The following GALNTL5 variants were observed in gnomAD, a reference collection of about 807,000 sequenced individuals.
GALNTL5 encodes inactive polypeptide N-acetylgalactosaminyltransferase-like protein 5.
A neutral mutation model predicts 51.0 loss-of-function variants in GALNTL5; 44 were observed. The ratio of observed to expected loss-of-function variants is 0.86; its 90% confidence interval spans 0.68 to 1.11. The LOEUF is 1.11. Ranked by LOEUF, GALNTL5 falls within the 50% of genes least tolerant of loss-of-function variation. The pLI is 0.00. For missense variants in GALNTL5, 528 were observed against 531.8 expected, an observed-to-expected ratio of 0.99 and a Z score of 0.07; for synonymous variants, 192 against 182.8, an observed-to-expected ratio of 1.05 and a Z score of -0.41.
At chr7:152,000,633 C>A (rs2081563496) in intron 5 of GALNTL5, among the ~76,000 whole-genome samples, 1 of 152,152 alleles carries the variant, frequency 6.6e-6, no homozygotes, top group African/African-American at 2.4e-5. Context: ...TAAAGGGATA[C>A]CTCACTGTGA....
chr7:151,984,109 T>C (rs1366838570), intron 4 of GALNTL5: 1 of 152,156 alleles, frequency 6.6e-6, no homozygotes, highest in African/African-American at 2.4e-5. Flanking sequence ...AATTTTATCT[T>C]GAAGCTATGA....
chr7:152,010,916 G>A (rs2081728640), intron 7 of GALNTL5, among the ~76,000 whole-genome samples: 1 of 152,188 alleles, frequency 6.6e-6, no homozygotes, highest in South Asian at 2.1e-4. Flanking sequence ...TACATGTAAA[G>A]GATAAAATAT....
At chr7:151,959,536 G>A (rs1408875643) in intron 1 of GALNTL5, among the ~76,000 whole-genome samples, 1 of 152,166 alleles carries the variant, frequency 6.6e-6, no homozygotes, top group African/African-American at 2.4e-5. Context: ...GAGTGTTAAA[G>A]CCTGTGTCCT....
chr7:151,972,418 C>T (rs992919061), intron 3 of GALNTL5, among the ~76,000 whole-genome samples: 8 of 152,164 alleles, frequency 5.3e-5, no homozygotes. Context: ...CAAGCCCAAT[C>T]CAGCTGCAGA....
Position 151,980,891 on chromosome 7 carries a change from A to C in GALNTL5, c.369-2095A>C, listed in dbSNP as rs111766388. On this transcript the variant is annotated intron_variant, in intron 3 of 8. Coordinates refer to ENST00000392800, the MANE Select transcript of GALNTL5 (RefSeq NM_145292.4). ...CTCCCAAGTAGCTGGGACTACAGGC[A>C]CCCGCCACTGCGCCCGGCTAAATTT... Among the ~76,000 whole-genome samples, 17 of 143,672 alleles carry C rather than the reference A, an allele frequency of 1.2e-4. 1 individual carries two copies. The highest frequency in any genetic ancestry group is 3.1e-4 in the African/African-American group (11 of 35,342). 94.3% of individuals were successfully genotyped at this position (143,672 alleles called of 152,430 possible).
chr7:152,000,731 T>C (rs1209245975), intron 5 of GALNTL5, among the ~76,000 whole-genome samples: 1 of 152,232 alleles, frequency 6.6e-6, no homozygotes, highest in Non-Finnish European at 1.5e-5. Context: ...CAAAGATGTC[T>C]ATTCAAATCT....
Position 152,009,607 on chromosome 7 carries a change from C to A in GALNTL5, c.1026+1663C>A, listed in dbSNP as rs1250490032. On this transcript the variant is annotated intron_variant, in intron 7 of 8. Coordinates refer to ENST00000392800, the MANE Select transcript of GALNTL5 (RefSeq NM_145292.4). ...TCAGGGCTAGCATCCAGGTCCTCTG[C>A]TCCTGTGAAGCCACACTGGTTGTTA... 3.3e-5 allele frequency among the ~76,000 whole-genome samples: 5 copies of A among 152,288 alleles called. No homozygotes were observed. In the East Asian group the frequency reaches 7.7e-4, roughly 24 times the overall value.
chr7:152,000,972 C>T (rs1378406814), intron 5 of GALNTL5, among the ~76,000 whole-genome samples: 1 of 142,952 alleles, frequency 7.0e-6, no homozygotes, highest in African/African-American at 2.7e-5. Context: ...GTGGCACGAT[C>T]TTGGCTCACT....
intron 3 of GALNTL5, among the ~76,000 whole-genome samples, chr7:151,980,173 T>C (rs2081261278): frequency 6.6e-6 from 1 of 152,156 alleles, no homozygotes; most frequent in East Asian, 1.9e-4. Context: ...AACCTCCGCC[T>C]TCTGGGTTCA....
At chr7:152,015,500 C>T (rs1023246150) in intron 8 of GALNTL5, among the ~76,000 whole-genome samples, 3 of 152,034 alleles carry the variant, frequency 2.0e-5, no homozygotes, top group African/African-American at 7.2e-5. Context: ...GCTGGGACTA[C>T]AGGCGCATAC....
intron 3 of GALNTL5, among the ~76,000 whole-genome samples, chr7:151,977,119 A>G (rs1322953999): frequency 6.6e-6 from 1 of 152,214 alleles, no homozygotes; most frequent in African/African-American, 2.4e-5. Flanking sequence ...CCTAAATTAT[A>G]TGTTATGACA....
At chr7:151,987,367 C>T in intron 5 of GALNTL5, 86 bp downstream of exon 5, 2 of 1,184,838 alleles carry the variant, frequency 1.7e-6, no homozygotes, top group South Asian at 3.5e-5. Context: ...GGGAGACCTT[C>T]TATGTCTGTG....
chr7:152,017,607 T>C (rs777399210), intron 8 of GALNTL5, among the ~76,000 whole-genome samples: 3 of 152,098 alleles, frequency 2.0e-5, no homozygotes, highest in Non-Finnish European at 4.4e-5. Context: ...AAGAAATTAA[T>C]ACGTAATCAA....
At chr7:152,002,633 T>C in intron 5 of GALNTL5, 81 bp from the exon 6 acceptor site, 2 of 1,457,090 alleles carry the variant, frequency 1.4e-6, no homozygotes, top group Non-Finnish European at 1.9e-6. Context: ...TCAAGAAATA[T>C]TCATCACATT....
In GALNTL5 at chr7:152,014,565, G is replaced by C. The variant is rs527379860; in HGVS notation, c.1027-79G>C. On this transcript the variant is annotated intron_variant, in intron 7 of 8. Transcript: ENST00000392800. ...TTACAGGCATGAGCCACCGCACCTG[G>C]CCATTATATTGGTTTAAAAGCAGTT... 2.8e-5 allele frequency: 39 copies of C among 1,386,078 alleles called. No individual in the cohort carries two copies. In the African/African-American group the frequency reaches 4.4e-4, roughly 15 times the overall value. The allele number at this position is 1,386,078 out of a possible 1,614,324, so 85.9% of individuals were successfully genotyped here.
chr7:152,007,167 T>C (rs1256034410), intron 6 of GALNTL5, among the ~76,000 whole-genome samples: 2 of 152,142 alleles, frequency 1.3e-5, no homozygotes, highest in Non-Finnish European at 2.9e-5. Context: ...GAAGTAAATA[T>C]TACAATTCAC....
chr7:151,976,473 A>G (rs1282162306), intron 3 of GALNTL5, among the ~76,000 whole-genome samples: 1 of 152,094 alleles, frequency 6.6e-6, no homozygotes, highest in Non-Finnish European at 1.5e-5. Flanking sequence ...TTTGCATGAA[A>G]TATCTTTTTC....
At chr7:151,989,988 G>A (rs1383509617) in intron 5 of GALNTL5, among the ~76,000 whole-genome samples, 1 of 152,100 alleles carries the variant, frequency 6.6e-6, no homozygotes, top group Non-Finnish European at 1.5e-5. Flanking sequence ...TCGGTCCTCA[G>A]GCTAGAGCCT....
chr7:152,015,689 C>A lies in GALNTL5; in HGVS notation c.1176+896C>A, dbSNP rs1166500246. Among the ~76,000 whole-genome samples the A allele has an allele frequency of 5.9e-5, 9 of 152,000 alleles. No individual in the cohort carries two copies. The East Asian group carries it at 1.7e-3, about 29-fold the overall frequency. On this transcript the variant is annotated intron_variant, in intron 8 of 8. Transcript: ENST00000392800. ...GCAACTCTTGAGATTCTTTTTCTTCCCCGCTGATTTCCCAAGCAATGTGGA... is the reference window on the plus strand; with the variant it reads ...GCAACTCTTGAGATTCTTTTTCTTCACCGCTGATTTCCCAAGCAATGTGGA...
Sources: allele counts gnomAD v4.1 joint callset (sites outside exome capture counted in the v4.1 genomes callset), GRCh38; gene constraint gnomAD v4.1.1; transcripts MANE v1.5; gene names NCBI Gene and HGNC (gene_info 2026-07-23, HGNC 2026-07-21).